The following CPNE6 variants were observed in gnomAD, a reference collection of about 807,000 sequenced individuals.
CPNE6 encodes the protein copine-6.
In CPNE6, 33 loss-of-function variants were observed where a neutral mutation model predicts 71.5. The ratio of observed to expected loss-of-function variants is 0.46; its 90% confidence interval spans 0.35 to 0.62. The LOEUF (loss-of-function observed/expected upper bound fraction) is 0.62, where lower values mean the gene tolerates loss of function less well. Ranked by LOEUF, CPNE6 falls within the 20% of genes least tolerant of loss-of-function variation. The pLI is 0.00. For synonymous variants in CPNE6, 296 were observed against 293.0 expected (o/e 1.01, Z -0.10); for missense variants, 576 against 747.3 (o/e 0.77, Z 2.67).
rs751695325 is a variant in CPNE6, at chr14:24,076,444, T to TG, written c.1113+36dup. On this transcript the variant is annotated intron_variant, in intron 13 of 17. Coordinates refer to ENST00000397016, the Ensembl canonical transcript of CPNE6. The stretch of plus-strand genomic sequence containing the variant: ...GCTAGATGCGAGGGAAAGAAGGAGA[T>TG]GGGGGGCGTGTCAGTCAGGCAGAAA... 2.6e-4 allele frequency: 422 copies of TG among 1,614,184 alleles called. 1 individual carries two copies. The highest frequency in any genetic ancestry group is 3.8e-4 in the East Asian group (17 of 44,882).
chr14:24,076,029 T>C, intron 11 of CPNE6, 120 bp from the exon 11 acceptor site: 2 of 1,498,322 alleles, frequency 1.3e-6, no homozygotes, highest in Non-Finnish European at 9.2e-7. Context: ...CACATCATTA[T>C]GTGGCTACCT....
In CPNE6 at chr14:24,074,357, GACA is replaced by G; in HGVS notation, c.495_497del (p.Asn165del). The G allele has an allele frequency of 6.4e-7, 1 of 1,556,374 alleles. No homozygotes were observed. Among genetic ancestry groups the G allele is most frequent in the Non-Finnish European group, 8.7e-7 (1 of 1,151,748 alleles). ...ACTCACCTTCAGAGCCTACAAGCTG[GACA>G]ACAAGGTTGGAACCCCAGAGTCCAG... On this transcript the variant is annotated inframe_deletion, in exon 6 of 18. Coordinates refer to ENST00000397016, the Ensembl canonical transcript of CPNE6. This position sits in a 1 kb window ranked among gnomAD's most constrained non-coding sequence, Gnocchi z 4.5.
At chr14:24,076,405 C>A in exon 13 of CPNE6, 1 of 1,614,232 alleles carries the variant, frequency 6.2e-7, no homozygotes, top group Non-Finnish European at 8.5e-7. Flanking sequence ...GAATCCCCCC[C>A]AACTTCGAGG....
Position 24,072,930 on chromosome 14 carries a change from C to T in CPNE6, c.-4-3C>T. 6.4e-7 allele frequency: 1 copy of T among 1,567,174 alleles called. No homozygotes were observed. Among genetic ancestry groups the T allele is most frequent in the Non-Finnish European group, 8.6e-7 (1 of 1,158,690 alleles). On this transcript the variant is annotated splice_region_variant and splice_polypyrimidine_tract_variant and intron_variant, in intron 2 of 17. Transcript: ENST00000397016. ...GTCCAGGCCACCTGCTCTGTCCCCACAGTGACATGTCGGACCCTGAGATGG... is the reference window on the plus strand; with the variant it reads ...GTCCAGGCCACCTGCTCTGTCCCCATAGTGACATGTCGGACCCTGAGATGG...
chr14:24,074,047 C>G lies in CPNE6; in HGVS notation c.349-4C>G, dbSNP rs547195197. The G allele has an allele frequency of 3.9e-5, 63 of 1,613,908 alleles. No homozygotes were observed. The highest frequency in any genetic ancestry group is 5.2e-5 in the Non-Finnish European group (61 of 1,179,912). On this transcript the variant is annotated splice_region_variant and splice_polypyrimidine_tract_variant and intron_variant, in intron 4 of 17. Transcript: ENST00000397016. The surrounding 1 kb of genome is among the most constrained non-coding windows in gnomAD (Gnocchi z 4.5). ...GCTGGGTCTCCCTCCACCTCCATCC[C>G]CAGATTGTGTCACAAACCAAGGTCA...
In CPNE6 at chr14:24,077,127, C is replaced by T; in HGVS notation, c.1300-27C>T. 6.3e-7 allele frequency: 1 copy of T among 1,595,566 alleles called. No individual in the cohort carries two copies. The highest frequency in any genetic ancestry group is 8.5e-7 in the Non-Finnish European group (1 of 1,175,130). On this transcript the variant is annotated intron_variant, in intron 15 of 17. Coordinates refer to ENST00000397016, the Ensembl canonical transcript of CPNE6. The surrounding 1 kb of genome is among the most constrained non-coding windows in gnomAD (Gnocchi z 6.1). ...CAACGCCCTTGCACACAAAGCCAAC[C>T]CTTCCACCCTCTCTGCTTGCCCTCA...
At chr14:24,071,501 G>GGCGCCCCCCCCCC in intron 1 of CPNE6, 61 bp from the exon 1 acceptor site, 2 of 1,416,702 alleles carry the variant, frequency 1.4e-6, no homozygotes, top group Non-Finnish European at 1.9e-6. Context: ...CTGGTGCTGC[G>GGCGCCCCCCCCCC]CCCCCCCCCA....
In CPNE6 at chr14:24,075,945, G is replaced by T; in HGVS notation, c.924+59G>T. ...GGGAGGGGCTGAGTCCATAGTGAAA[G>T]GAAGGAGCCCAGAATCTCCACTGCC... On this transcript the variant is annotated intron_variant, in intron 11 of 17. Coordinates refer to ENST00000397016, the Ensembl canonical transcript of CPNE6. The surrounding 1 kb of genome is among the most constrained non-coding windows in gnomAD (Gnocchi z 4.3). The T allele has an allele frequency of 1.9e-6, 3 of 1,597,130 alleles. No individual in the cohort carries two copies. Among genetic ancestry groups the T allele is most frequent in the Non-Finnish European group, 8.6e-7 (1 of 1,165,370 alleles).
intron 2 of CPNE6, 87 bp from the exon 2 acceptor site, chr14:24,072,846 G>A: frequency 8.0e-7 from 1 of 1,247,684 alleles, no homozygotes; most frequent in Admixed American, 3.7e-5. Flanking sequence ...AGGTTAAGGG[G>A]TGGGGCCCAG....
In CPNE6 at chr14:24,076,425, T is replaced by C. The variant is rs2036064875; in HGVS notation, c.1113+11T>C. On this transcript the variant is annotated intron_variant, in intron 13 of 17. Transcript: ENST00000397016. The stretch of plus-strand genomic sequence containing the variant: ...CCCCCCAACTTCGAGGTAGGCTAGA[T>C]GCGAGGGAAAGAAGGAGATGGGGGG... 6.2e-7 allele frequency: 1 copy of C among 1,614,132 alleles called. No individual in the cohort carries two copies. Among genetic ancestry groups the C allele is most frequent in the Non-Finnish European group, 8.5e-7 (1 of 1,180,016 alleles).
intron 1 of CPNE6, 41 bp from the exon 1 acceptor site, chr14:24,071,521 A>G (rs753875924): frequency 1.1e-5 from 2 of 175,288 alleles, no homozygotes; most frequent in African/African-American, 1.2e-4. Flanking sequence ...ACCCCTCCCC[A>G]TCCAGGCCCC....
chr14:24,071,226 T>G, intron 1 of CPNE6: 3 of 1,006,994 alleles, frequency 3.0e-6, no homozygotes, highest in Non-Finnish European at 4.3e-6. Context: ...TGTCAAGATA[T>G]GTGTGAGCCT....
Position 24,077,334 on chromosome 14 carries a change from G to C in CPNE6, c.1480G>C (p.Gly494Arg), listed in dbSNP as rs2036118877. 5.6e-6 allele frequency: 9 copies of C among 1,613,740 alleles called. No individual in the cohort carries two copies. Among genetic ancestry groups the C allele is most frequent in the Non-Finnish European group, 7.6e-6 (9 of 1,180,002 alleles). ...CGACGGCCCCTTGCGCTGCCCCCGA[G>C]GGGTGCCTGCAGCCCGAGACATTGT... The change falls in exon 16 of 18, where the codon GGG becomes CGG. Residue 494 changes from glycine to arginine, a missense_variant. By Grantham distance (125) the Gly-to-Arg change is moderately radical. Coordinates refer to ENST00000397016, the Ensembl canonical transcript of CPNE6. The surrounding 1 kb of genome is among the most constrained non-coding windows in gnomAD (Gnocchi z 6.1).
intron 1 of CPNE6, 59 bp from the exon 1 acceptor site, chr14:24,071,503 C>A (rs771737070): frequency 4.1e-5 from 31 of 750,288 alleles, no homozygotes; most frequent in African/African-American, 1.8e-4. Context: ...GGTGCTGCGC[C>A]CCCCCCCACC....
rs754350770 is a variant in CPNE6, at chr14:24,075,456, G to A, written c.778-49G>A. ...GAGGCTCTGCTGGAAGGGAGAAAGA[G>A]GGGTCACCTGATGGACTTGTGACCC... On this transcript the variant is annotated intron_variant, in intron 9 of 17. Transcript: ENST00000397016. The surrounding 1 kb of genome is among the most constrained non-coding windows in gnomAD (Gnocchi z 4.3). 4.5e-6 allele frequency: 7 copies of A among 1,550,250 alleles called. No homozygotes were observed. Among genetic ancestry groups the A allele is most frequent in the Non-Finnish European group, 6.2e-6 (7 of 1,129,208 alleles).
At position 24,075,536 on chromosome 14, in the gene CPNE6, G is replaced by A. The variant is rs760398800; in HGVS notation, c.809G>A (p.Arg270Gln). 34 of 1,612,440 alleles carry A rather than the reference G, an allele frequency of 2.1e-5. No homozygotes were observed. Among genetic ancestry groups the A allele is most frequent in the South Asian group, 3.3e-5 (3 of 90,714 alleles). ...TGGGACTGTATCAACCCCAAGTATC[G>A]GGACAAGAAGAAGAATTACAAGAGC... The change falls in exon 10 of 18, where the codon CGG becomes CAG. Residue 270 changes from arginine to glutamine, a missense_variant. Transcript: ENST00000397016. The surrounding 1 kb of genome is among the most constrained non-coding windows in gnomAD (Gnocchi z 4.3).
At chr14:24,071,161 C>G in intron 1 of CPNE6, 1 of 1,091,468 alleles carries the variant, frequency 9.2e-7, no homozygotes, top group Non-Finnish European at 1.3e-6. Flanking sequence ...GTGTATCCGC[C>G]GGGGGCTGTA....
Position 24,076,667 on chromosome 14 carries a change from G to T in CPNE6, c.1165+110G>T, listed in dbSNP as rs769533544. On this transcript the variant is annotated intron_variant, in intron 14 of 17. Transcript: ENST00000397016. The stretch of plus-strand genomic sequence containing the variant: ...TTCCTGTCCCTTCCACCCATCCCAG[G>T]CCTGTCTTTATCAGGTGAGGCTTCC... 2.6e-6 allele frequency: 4 copies of T among 1,514,776 alleles called. No homozygotes were observed. The African/African-American group carries it at 4.1e-5, about 16-fold the overall frequency. 93.8% of individuals were successfully genotyped at this position (1,514,776 alleles called of 1,614,324 possible).
In CPNE6 at chr14:24,077,065, G is replaced by T; in HGVS notation, c.1299+53G>T. ...GCTGTCCCATGTGTCTTTAAGTGGT[G>T]CCAGGGCCAGGGTCTGCACCTTGGT... On this transcript the variant is annotated intron_variant, in intron 15 of 17. Coordinates refer to ENST00000397016, the Ensembl canonical transcript of CPNE6. The surrounding 1 kb of genome is among the most constrained non-coding windows in gnomAD (Gnocchi z 6.1). 1 of 1,601,220 alleles carries T rather than the reference G, an allele frequency of 6.2e-7. No homozygotes were observed.
Sources: allele counts gnomAD v4.1 joint callset, GRCh38; gene constraint gnomAD v4.1.1; non-coding constraint Gnocchi (gnomAD v3.1); transcripts MANE v1.5; gene names NCBI Gene and HGNC (gene_info 2026-07-23, HGNC 2026-07-21).